TRIML1: variants seen among roughly 807,000 people sequenced by gnomAD.
TRIML1 encodes the protein tripartite motif family like 1, also known as probable E3 ubiquitin-protein ligase TRIML1.
TRIML1 carries 34 observed loss-of-function variants against 32.3 expected under a neutral mutation model. That is an observed-to-expected ratio of 1.05 (90% CI 0.80 to 1.40). The LOEUF is 1.40. Among genes scored for constraint, TRIML1 ranks in the 40% most tolerant of loss-of-function variants. The pLI, the probability that TRIML1 is intolerant of heterozygous loss-of-function variation, is 0.00. For missense variants in TRIML1, 595 were observed against 574.9 expected, an observed-to-expected ratio of 1.03 and a Z score of -0.36; for synonymous variants, 244 against 226.6, an observed-to-expected ratio of 1.08 and a Z score of -0.69.
chr4:188,138,566 C>T (rs1158366617), upstream of TRIML1, among the ~76,000 whole-genome samples: 1 of 152,036 alleles, frequency 6.6e-6, no homozygotes, highest in Admixed American at 6.6e-5. Context: ...TTACCAATCT[C>T]GGAGTTCACT....
chr4:188,142,435 G>T lies in TRIML1; in HGVS notation c.688G>T (p.Ala230Ser). The stretch of plus-strand genomic sequence containing the variant: ...AATCAGAAGCCTAAGCAAAATGATC[G>T]CACAGATTGAGTCCTCAAGTCAAAG... Reference protein sequence around the residue: ...QQIRSLSKMIAQIESSSQSSA... With the variant: ...QQIRSLSKMISQIESSSQSSA... The change falls in exon 3 of 6, where the codon GCA (alanine) becomes TCA (serine). Residue 230 changes from alanine to serine, a missense_variant. Ala to Ser is a moderately conservative substitution (Grantham distance 99). Transcript: ENST00000332517. The T allele has an allele frequency of 6.2e-7, 1 of 1,613,814 alleles. No homozygotes were observed. Among genetic ancestry groups the T allele is most frequent in the Non-Finnish European group, 8.5e-7 (1 of 1,179,970 alleles).
At chr4:188,146,064 T>C (rs1403483077) in intron 5 of TRIML1, among the ~76,000 whole-genome samples, 2 of 152,202 alleles carry the variant, frequency 1.3e-5, no homozygotes, top group African/African-American at 4.8e-5. Context: ...TAGAAAAGAA[T>C]GCTTGCAGTG....
downstream of TRIML1, among the ~76,000 whole-genome samples, chr4:188,150,274 ATG>A (rs1171291957): frequency 5.3e-5 from 8 of 151,406 alleles, no homozygotes; most frequent in South Asian, 2.1e-4. Flanking sequence ...CCCCATAGGC[ATG>A]CACCACCACA....
chr4:188,143,755 T>C, intron 3 of TRIML1, 83 bp from the exon 4 acceptor site: 1 of 1,545,846 alleles, frequency 6.5e-7, no homozygotes, highest in Non-Finnish European at 8.9e-7. Flanking sequence ...TCTGTGAGCT[T>C]TGCAAGGACT....
intron 5 of TRIML1, among the ~76,000 whole-genome samples, chr4:188,146,395 A>C (rs1012916006): frequency 1.3e-5 from 2 of 152,176 alleles, no homozygotes; most frequent in African/African-American, 4.8e-5. Flanking sequence ...AGAGCTCAGA[A>C]ATTTTGTTCT....
intron 2 of TRIML1, 39 bp downstream of exon 2, chr4:188,140,662 C>G (rs1354763323): frequency 7.0e-7 from 1 of 1,419,818 alleles, no homozygotes; most frequent in Admixed American, 1.9e-5. Flanking sequence ...GTATATGACC[C>G]CATAAGGGGG....
chr4:188,140,492 T>C, intron 1 of TRIML1, 36 bp from the exon 2 acceptor site: 1 of 1,557,832 alleles, frequency 6.4e-7, no homozygotes, highest in Non-Finnish European at 8.9e-7. Flanking sequence ...CCTGGGACTC[T>C]GCTCATTTGC....
chr4:188,144,562 CTG>C (rs1157436908), intron 5 of TRIML1, among the ~76,000 whole-genome samples: 1 of 145,034 alleles, frequency 6.9e-6, no homozygotes, highest in African/African-American at 2.5e-5. Flanking sequence ...CGGGGTTTCA[CTG>C]TGTTAGCCAG....
chr4:188,140,508 A>G lies in TRIML1; in HGVS notation c.409-20A>G, dbSNP rs1223027826. On this transcript the variant is annotated intron_variant, in intron 1 of 5. Coordinates refer to ENST00000332517, the MANE Select transcript of TRIML1 (RefSeq NM_178556.5). ...CTGGGACTCTGCTCATTTGCCAGAA[A>G]GGGTTTGTTTCTATTGCAGGAGAAA... 2 of 1,598,732 alleles carry G rather than the reference A, an allele frequency of 1.3e-6. No homozygotes were observed.
At chr4:188,150,543 A>T (rs1297437655), downstream of TRIML1, among the ~76,000 whole-genome samples, 1 of 152,180 alleles carries the variant, frequency 6.6e-6, no homozygotes, top group African/African-American at 2.4e-5. Context: ...ATTACCAAAA[A>T]TCCCAGTTTT....
chr4:188,146,706 C>A, intron 5 of TRIML1, 116 bp from the exon 6 acceptor site: 1 of 862,084 alleles, frequency 1.2e-6, no homozygotes, highest in Non-Finnish European at 1.6e-6. Context: ...CACGCCCGGC[C>A]CCAAATTACA....
At position 188,144,198 on chromosome 4, in the gene TRIML1, A is replaced by G; in HGVS notation, c.856+65A>G. 2.2e-6 allele frequency: 3 copies of G among 1,375,550 alleles called. No individual in the cohort carries two copies. The East Asian group carries it at 7.2e-5, about 33-fold the overall frequency. 85.2% of individuals were successfully genotyped at this position (1,375,550 alleles called of 1,614,324 possible). ...AATTAACTTCAGCATACCTTCTTCC[A>G]GTGTCAGACATTCACGATCTGACAC... On this transcript the variant is annotated intron_variant, in intron 5 of 5. Coordinates refer to ENST00000332517, the MANE Select transcript of TRIML1 (RefSeq NM_178556.5).
chr4:188,148,666 G>A (rs865944138), downstream of TRIML1, among the ~76,000 whole-genome samples: 2 of 149,732 alleles, frequency 1.3e-5, no homozygotes, highest in Non-Finnish European at 3.0e-5. Flanking sequence ...GCAATGGAGC[G>A]ATCGCAGCTC....
chr4:188,142,925 T>C (rs1734917848), intron 3 of TRIML1: 1 of 161,818 alleles, frequency 6.2e-6, no homozygotes, highest in African/African-American at 2.4e-5. Context: ...TAATTATTCA[T>C]ACCTGTGGTA....
downstream of TRIML1, among the ~76,000 whole-genome samples, chr4:188,150,061 C>T (rs1188342467): frequency 6.6e-6 from 1 of 152,108 alleles, no homozygotes; most frequent in East Asian, 1.9e-4. Flanking sequence ...ACCTCAGCCT[C>T]CCAAAGTGTT....
chr4:188,139,367 A>G (rs1734757986), upstream of TRIML1: 1 of 533,152 alleles, frequency 1.9e-6, no homozygotes. Flanking sequence ...TTCCACATTA[A>G]GTCATAATTG....
rs756927618 is a variant in TRIML1 at position 188,139,790 on chromosome 4, G to A, written c.232G>A (p.Ala78Thr). 3.7e-6 allele frequency: 6 copies of A among 1,613,860 alleles called. No individual in the cohort carries two copies. The highest frequency in any genetic ancestry group is 1.7e-5 in the Admixed American group (1 of 60,012). The change falls in exon 1 of 6, where the codon GCC becomes ACC. Residue 78 changes from alanine (A) to threonine (T), a missense_variant. Coordinates refer to ENST00000332517, the MANE Select transcript of TRIML1 (RefSeq NM_178556.5). Reference protein sequence around the residue: ...NERLGRLASIARQLRSQVLQS... With the variant: ...NERLGRLASITRQLRSQVLQS... Reference sequence around the variant, plus strand: ...GCGTCTGGGGAGGCTGGCCAGCATCGCCAGGCAGCTCCGGTCCCAGGTGCT... The same window carrying A: ...GCGTCTGGGGAGGCTGGCCAGCATCACCAGGCAGCTCCGGTCCCAGGTGCT...
Position 188,147,252 on chromosome 4 carries a change from C to T in TRIML1, c.1287C>T (p.Ile429=). Residue 429 remains isoleucine, a synonymous_variant, in exon 6 of 6, where the codon ATC becomes ATT. Coordinates refer to ENST00000332517, the MANE Select transcript of TRIML1 (RefSeq NM_178556.5). ...AFYNGTDESL[I]YSFPQASFQE... ...ACAACGGGACGGATGAATCCCTCATCTACAGCTTCCCGCAGGCTTCTTTCC... is the reference window on the plus strand; with the variant it reads ...ACAACGGGACGGATGAATCCCTCATTTACAGCTTCCCGCAGGCTTCTTTCC... The T allele has an allele frequency of 6.3e-7, 1 of 1,598,580 alleles. No homozygotes were observed. Among genetic ancestry groups the T allele is most frequent in the Non-Finnish European group, 8.5e-7 (1 of 1,172,056 alleles).
rs1560969184 is a variant in TRIML1 at position 188,139,725 on chromosome 4, G to T, written c.167G>T (p.Cys56Phe). Reference sequence around the variant, plus strand: ...AACACACCTTTATCTTGTCCTGAGTGCTGGAGGACCTTGGAGGGCCCGCAT... The same window carrying T: ...AACACACCTTTATCTTGTCCTGAGTTCTGGAGGACCTTGGAGGGCCCGCAT... ...EHNTPLSCPE[C>F]WRTLEGPHFQ... Residue 56 changes from cysteine to phenylalanine, a missense_variant, in exon 1 of 6, where the codon TGC becomes TTC. Cys to Phe is a radical substitution (Grantham distance 205, BLOSUM62 -2). Coordinates refer to ENST00000332517, the MANE Select transcript of TRIML1 (RefSeq NM_178556.5). 1.2e-6 allele frequency: 2 copies of T among 1,614,034 alleles called. No homozygotes were observed. The highest frequency in any genetic ancestry group is 1.7e-6 in the Non-Finnish European group (2 of 1,179,998).
Sources: allele counts gnomAD v4.1 joint callset (sites outside exome capture counted in the v4.1 genomes callset), GRCh38; gene constraint gnomAD v4.1.1; transcripts MANE v1.5; gene names NCBI Gene and HGNC (gene_info 2026-07-23, HGNC 2026-07-21).